Variants in CFAP54 observed in about 807,000 individuals in gnomAD.
CFAP54 encodes cilia- and flagella-associated protein 54.
In CFAP54, 290 loss-of-function variants were observed where a neutral mutation model predicts 370.4. The observed-to-expected ratio is 0.78, with a 90% CI of 0.71 to 0.86. CFAP54 has a LOEUF of 0.86. Ranked by LOEUF, CFAP54 falls within the 40% of genes least tolerant of loss-of-function variation. The pLI, the probability that CFAP54 is intolerant of heterozygous loss-of-function variation, is 0.00. For synonymous variants in CFAP54, 1,206 were observed against 1,236.5 expected (o/e 0.98, Z 0.52); for missense variants, 3,399 against 3,528.7 (o/e 0.96, Z 0.93).
intron 17 of CFAP54, among the ~76,000 whole-genome samples, chr12:96,558,807 C>T (rs777963796): frequency 6.6e-6 from 1 of 152,164 alleles, no homozygotes; most frequent in African/African-American, 2.4e-5. Context: ...ATCTCCAGGA[C>T]ATTGGTCTGG....
intron 66 of CFAP54, among the ~76,000 whole-genome samples, chr12:96,838,977 T>C (rs540102191): frequency 1.3e-5 from 2 of 152,268 alleles, no homozygotes; most frequent in South Asian, 4.1e-4. Context: ...ATTGTCAGTA[T>C]GTTAAGATGG....
intron 63 of CFAP54, among the ~76,000 whole-genome samples, chr12:96,807,491 C>T (rs1958894251): frequency 6.6e-6 from 1 of 152,152 alleles, no homozygotes; most frequent in Non-Finnish European, 1.5e-5. Flanking sequence ...ACATAAGATA[C>T]ATTTTAAATT....
At position 96,771,682 on chromosome 12, in the gene CFAP54, C is replaced by CA. The variant is rs976837112; in HGVS notation, c.8281+6473dup. The stretch of plus-strand genomic sequence containing the variant: ...CAAAAAACAAACAAACAAAAAACAA[C>CA]AAAAAAAAACCCCACTTTAGGTTGT... On this transcript the variant is annotated intron_variant, in intron 60 of 67. Coordinates refer to ENST00000524981, the MANE Select transcript of CFAP54 (RefSeq NM_001306084.2). Among the ~76,000 whole-genome samples, 213 of 150,942 alleles carry CA rather than the reference C, an allele frequency of 1.4e-3. 1 individual carries two copies. The highest frequency in any genetic ancestry group is 4.9e-3 in the East Asian group (25 of 5,108).
intron 50 of CFAP54, among the ~76,000 whole-genome samples, chr12:96,733,564 A>C (rs1162146176): frequency 6.9e-6 from 1 of 145,358 alleles, no homozygotes. Context: ...TTTTTTAATA[A>C]GTGTTCCTTC....
At chr12:96,826,453 G>T (rs1214422432) in intron 65 of CFAP54, among the ~76,000 whole-genome samples, 1 of 113,104 alleles carries the variant, frequency 8.8e-6, no homozygotes, top group African/African-American at 3.4e-5. Context: ...TACCATATAT[G>T]TTATTTACTA....
intron 60 of CFAP54, among the ~76,000 whole-genome samples, chr12:96,768,150 G>A (rs573806814): frequency 2.6e-5 from 4 of 151,992 alleles, no homozygotes; most frequent in South Asian, 4.2e-4. Flanking sequence ...GTGAAACCCC[G>A]TCTCTACTAA....
intron 58 of CFAP54, among the ~76,000 whole-genome samples, chr12:96,763,519 C>T (rs1247461279): frequency 1.3e-5 from 2 of 152,098 alleles, no homozygotes; most frequent in Non-Finnish European, 2.9e-5. Context: ...TGACACATGC[C>T]TGTAATCCCA....
chr12:96,837,473 A>C (rs934254804), intron 66 of CFAP54, among the ~76,000 whole-genome samples: 1 of 151,894 alleles, frequency 6.6e-6, no homozygotes, highest in Non-Finnish European at 1.5e-5. Context: ...CTTTGTACTT[A>C]ATAGTTTTTA....
chr12:96,699,085 A>T (rs1346569334), intron 45 of CFAP54, among the ~76,000 whole-genome samples: 1 of 152,178 alleles, frequency 6.6e-6, no homozygotes, highest in Admixed American at 6.5e-5. Flanking sequence ...AAGTAAGTTA[A>T]AAAGGTTACT....
intron 60 of CFAP54, among the ~76,000 whole-genome samples, chr12:96,766,824 G>A (rs1283684509): frequency 6.6e-6 from 1 of 152,106 alleles, no homozygotes; most frequent in Non-Finnish European, 1.5e-5. Flanking sequence ...TTAGGGCAGG[G>A]ATGACCAATA....
intron 55 of CFAP54, among the ~76,000 whole-genome samples, chr12:96,751,692 T>C (rs1336012207): frequency 2.0e-5 from 3 of 152,122 alleles, no homozygotes; most frequent in Admixed American, 6.5e-5. Context: ...CTAATCACAG[T>C]TGATAATTGT....
chr12:96,612,764 G>T (rs1592882848), intron 26 of CFAP54, among the ~76,000 whole-genome samples: 1 of 152,092 alleles, frequency 6.6e-6, no homozygotes, highest in Non-Finnish European at 1.5e-5. Context: ...GAGATCAAAA[G>T]AGACAAAGAA....
chr12:96,550,414 TAAA>T (rs1360731090), intron 15 of CFAP54, among the ~76,000 whole-genome samples: 1 of 151,956 alleles, frequency 6.6e-6, no homozygotes, highest in Non-Finnish European at 1.5e-5. Flanking sequence ...CTGTCTTTAC[TAAA>T]AACACAAAAA....
intron 27 of CFAP54, among the ~76,000 whole-genome samples, chr12:96,623,159 CA>C (rs1305821390): frequency 6.7e-6 from 1 of 148,910 alleles, no homozygotes; most frequent in East Asian, 2.0e-4. Context: ...TAGAGCTACT[CA>C]AGGTTCCTTT....
chr12:96,800,529 G>A (rs897408960), intron 63 of CFAP54, among the ~76,000 whole-genome samples: 14 of 152,164 alleles, frequency 9.2e-5, no homozygotes, highest in Non-Finnish European at 1.6e-4. Context: ...CTGCCATAAT[G>A]TTCAGTCAAA....
chr12:96,639,588 C>G (rs547713956), intron 32 of CFAP54, among the ~76,000 whole-genome samples: 3 of 152,192 alleles, frequency 2.0e-5, no homozygotes, highest in African/African-American at 7.2e-5. Flanking sequence ...ATGAGGCCAG[C>G]ATCATCCTGA....
intron 65 of CFAP54, among the ~76,000 whole-genome samples, chr12:96,826,764 T>G (rs1361888186): frequency 8.9e-6 from 1 of 112,202 alleles, no homozygotes; most frequent in Non-Finnish European, 1.6e-5. Context: ...TACATATTAA[T>G]ATATTATATA....
At chr12:96,548,011 A>G (rs1040870331) in intron 15 of CFAP54, 33 bp downstream of exon 15, 4 of 943,538 alleles carry the variant, frequency 4.2e-6, no homozygotes, top group Admixed American at 2.9e-5. Flanking sequence ...TTTAGGTGAA[A>G]CATGCAATTT....
chr12:96,645,285 AG>A (rs1956775583), intron 33 of CFAP54: 4 of 410,834 alleles, frequency 9.7e-6, no homozygotes, highest in Non-Finnish European at 2.0e-5. Flanking sequence ...AAAAAGCACA[AG>A]CATTCTTATA....
Sources: gnomAD v4.1 joint callset for allele counts (sites outside exome capture counted in the v4.1 genomes callset) on GRCh38, gnomAD v4.1.1 for gene constraint, MANE v1.5 for transcripts, NCBI Gene and HGNC (gene_info 2026-07-23, HGNC 2026-07-21) for gene names.